The following ZFHX3 variants were observed in gnomAD, a reference collection of about 807,000 sequenced individuals.
ZFHX3 encodes zinc finger homeobox protein 3.
Under a neutral mutation model 279.1 loss-of-function variants are expected in ZFHX3, and 42 were observed. The observed-to-expected ratio is 0.15, with a 90% CI of 0.12 to 0.19. ZFHX3 has a LOEUF of 0.19. Ranked by LOEUF, ZFHX3 falls within the 10% of genes least tolerant of loss-of-function variation. The probability of loss-of-function intolerance (pLI) is 1.00; values close to 1 mark genes in which losing one functional copy is unlikely to be tolerated. For missense variants in ZFHX3, 4,981 were observed against 4,754.0 expected, an observed-to-expected ratio of 1.05 and a Z score of -1.40; for synonymous variants, 2,293 against 1,957.8, an observed-to-expected ratio of 1.17 and a Z score of -4.52.
chr16:73,414,196 A>G (rs1346957085), intron 3 of ZFHX3, among the ~76,000 whole-genome samples: 1 of 152,280 alleles, frequency 6.6e-6, no homozygotes, highest in African/African-American at 2.4e-5. Context: ...TACTCCTTTT[A>G]GGTTACCTCT....
At chr16:73,882,460 G>GT (rs112553133) in intron 1 of ZFHX3, among the ~76,000 whole-genome samples, 4,787 of 150,136 alleles carry the variant, frequency 0.032, 184 homozygotes, top group African/African-American at 0.096. Flanking sequence ...AGCTTTTAAA[G>GT]TTTTTTTTTT....
chr16:73,051,659 T>C (rs1965452471), upstream of ZFHX3, among the ~76,000 whole-genome samples: 1 of 152,176 alleles, frequency 6.6e-6, no homozygotes, highest in Non-Finnish European at 1.5e-5. Flanking sequence ...ACAACAAAGA[T>C]ACAAATGAGT....
chr16:73,040,059 T>C (rs1567646216), intron 1 of ZFHX3, among the ~76,000 whole-genome samples: 2 of 152,088 alleles, frequency 1.3e-5, no homozygotes. Flanking sequence ...AGCTAGTAGG[T>C]AAACATGGGG....
chr16:73,508,253 C>T (rs2019362204), intron 2 of ZFHX3, among the ~76,000 whole-genome samples: 3 of 152,146 alleles, frequency 2.0e-5, no homozygotes, highest in Admixed American at 1.3e-4. Flanking sequence ...GGGTAATTAA[C>T]TTGCTTCTGG....
intron 2 of ZFHX3, among the ~76,000 whole-genome samples, chr16:73,579,506 C>CT (rs1221002384): frequency 2.9e-3 from 421 of 144,950 alleles, no homozygotes; most frequent in African/African-American, 4.7e-3. Context: ...TTATTATAAT[C>CT]TTTTTTTTTT....
chr16:73,802,659 T>A (rs1960176676), intron 1 of ZFHX3, among the ~76,000 whole-genome samples: 1 of 152,148 alleles, frequency 6.6e-6, no homozygotes, highest in Non-Finnish European at 1.5e-5. Flanking sequence ...GTACTAGAAA[T>A]GGACACTGCT....
At position 72,788,525 on chromosome 16, in the gene ZFHX3, C is replaced by G; in HGVS notation, c.9751G>C (p.Gly3251Arg). 6.2e-7 allele frequency: 1 copy of G among 1,614,194 alleles called. No individual in the cohort carries two copies. The highest frequency in any genetic ancestry group is 1.3e-5 in the African/African-American group (1 of 75,038). Residue 3251 changes from glycine (G) to arginine (R), a missense_variant, in exon 10 of 10, where the codon GGG (glycine) becomes CGG (arginine). This residue lies in a region of ZFHX3 where 1,034 missense variants were observed against 786.0 expected (regional missense o/e 1.32). Transcript: ENST00000268489. ...KEKEKAHKGKGEPLPVPKKEK... is the reference protein window; with the variant it reads ...KEKEKAHKGKREPLPVPKKEK... The stretch of plus-strand genomic sequence containing the variant: ...TTCTTGGGGACAGGCAGGGGTTCCC[C>G]TTTCCCTTTGTGTGCCTTTTCCTTC...
chr16:72,995,976 G>A (rs571767277), intron 1 of ZFHX3, among the ~76,000 whole-genome samples: 6 of 152,204 alleles, frequency 3.9e-5, no homozygotes, highest in Admixed American at 2.6e-4. Context: ...ATATTCATAC[G>A]TTCTTTTACT....
chr16:73,038,760 A>T (rs534192203), intron 1 of ZFHX3, among the ~76,000 whole-genome samples: 1 of 149,150 alleles, frequency 6.7e-6, no homozygotes, highest in South Asian at 2.2e-4. Flanking sequence ...ACCATGCTCT[A>T]AAAGGAAAGA....
At chr16:73,749,191 A>G (rs561872811) in intron 1 of ZFHX3, among the ~76,000 whole-genome samples, 1 of 152,202 alleles carries the variant, frequency 6.6e-6, no homozygotes, top group African/African-American at 2.4e-5. Context: ...TTACCTGGCC[A>G]TGCCCTTTCC....
chr16:73,230,846 C>CGCT (rs1567424488), intron 5 of ZFHX3, among the ~76,000 whole-genome samples: 2 of 152,124 alleles, frequency 1.3e-5, no homozygotes, highest in Admixed American at 1.3e-4. Flanking sequence ...TTCCTGCTGC[C>CGCT]GCTGCTGCTG....
At chr16:73,570,194 G>A (rs981201765) in intron 2 of ZFHX3, among the ~76,000 whole-genome samples, 1 of 152,110 alleles carries the variant, frequency 6.6e-6, no homozygotes, top group African/African-American at 2.4e-5. Flanking sequence ...TTTCATCACT[G>A]AGTTACCCAA....
intron 3 of ZFHX3, among the ~76,000 whole-genome samples, chr16:73,453,219 G>A (rs11149809): frequency 0.66 from 99,966 of 152,170 alleles, 33,267 homozygotes; most frequent in Non-Finnish European, 0.72. Flanking sequence ...ATGAAATCCA[G>A]TGTGATTTGT....
intron 2 of ZFHX3, among the ~76,000 whole-genome samples, chr16:73,588,412 C>T (rs544745524): frequency 6.6e-6 from 1 of 152,000 alleles, no homozygotes; most frequent in South Asian, 2.1e-4. Context: ...GGAGGCCGGT[C>T]GCGGTGGCTC....
At chr16:72,919,160 CTT>C (rs544032775) in intron 3 of ZFHX3, among the ~76,000 whole-genome samples, 10 of 142,552 alleles carry the variant, frequency 7.0e-5, no homozygotes, top group Non-Finnish European at 9.3e-5. Flanking sequence ...AGATTCTGTA[CTT>C]TTTTTTTTTT....
chr16:73,224,344 G>A (rs763989922), intron 5 of ZFHX3, among the ~76,000 whole-genome samples: 36 of 152,236 alleles, frequency 2.4e-4, no homozygotes, highest in Non-Finnish European at 4.9e-4. Flanking sequence ...CTGCTCGAAA[G>A]TGTATTACAA....
At chr16:73,157,559 G>T (rs1177060276) in intron 5 of ZFHX3, among the ~76,000 whole-genome samples, 2 of 150,860 alleles carry the variant, frequency 1.3e-5, no homozygotes, top group African/African-American at 4.9e-5. Flanking sequence ...TAAAAAAGGG[G>T]GTCGAGTCAC....
intron 2 of ZFHX3, among the ~76,000 whole-genome samples, chr16:73,472,428 G>A (rs949540647): frequency 6.6e-6 from 1 of 152,144 alleles, no homozygotes; most frequent in African/African-American, 2.4e-5. Flanking sequence ...TTTTGATGAA[G>A]CCACAAAGCT....
chr16:73,243,704 CAA>C (rs1435879850), intron 5 of ZFHX3, among the ~76,000 whole-genome samples: 1 of 151,900 alleles, frequency 6.6e-6, no homozygotes, highest in Admixed American at 6.6e-5. Flanking sequence ...TAGACATAGA[CAA>C]AAAATCACAA....
Sources: gnomAD v4.1 joint callset for allele counts (sites outside exome capture counted in the v4.1 genomes callset) on GRCh38, gnomAD v4.1.1 for gene constraint, gnomAD v4.1.1 regional missense constraint, MANE v1.5 for transcripts, NCBI Gene and HGNC (gene_info 2026-07-23, HGNC 2026-07-21) for gene names.